SH3PXD2B: variants seen among roughly 807,000 people sequenced by gnomAD.
The protein encoded by SH3PXD2B is SH3 and PX domains 2B.
SH3PXD2B carries 37 observed loss-of-function variants against 73.1 expected under a neutral mutation model. The observed-to-expected ratio is 0.51, with a 90% CI of 0.39 to 0.67. The LOEUF is 0.67. Ranked by LOEUF, SH3PXD2B falls within the 30% of genes least tolerant of loss-of-function variation. The pLI, the probability that SH3PXD2B is intolerant of heterozygous loss-of-function variation, is 0.00. For synonymous variants in SH3PXD2B, 457 were observed against 480.5 expected, an observed-to-expected ratio of 0.95 and a Z score of 0.64; for missense variants, 1,053 against 1,197.8, an observed-to-expected ratio of 0.88 and a Z score of 1.78.
At chr5:172,365,342 A>T (rs1757489880) in intron 6 of SH3PXD2B, among the ~76,000 whole-genome samples, 1 of 152,152 alleles carries the variant, frequency 6.6e-6, no homozygotes. Context: ...AGGCTCAGAG[A>T]TGTTAAGTGA....
At chr5:172,408,786 A>C (rs1471678288) in intron 2 of SH3PXD2B, among the ~76,000 whole-genome samples, 1 of 151,796 alleles carries the variant, frequency 6.6e-6, no homozygotes, top group African/African-American at 2.4e-5. Context: ...GGCCTCTCAA[A>C]CTGCTGGGAT....
chr5:172,334,289 C>G lies in SH3PXD2B; in HGVS notation c.*4080G>C. 2 of 999,740 alleles carry G rather than the reference C, an allele frequency of 2.0e-6. No individual in the cohort carries two copies. The highest frequency in any genetic ancestry group is 2.4e-6 in the Non-Finnish European group (2 of 840,760). The allele number at this position is 999,740 out of a possible 1,614,324, so 61.9% of individuals were successfully genotyped here. On this transcript the variant is annotated 3_prime_UTR_variant, in exon 13 of 13. Transcript: ENST00000311601. The stretch of plus-strand genomic sequence containing the variant: ...GAGCAGGCAAGGACTGTGGAGCCTC[C>G]GGTTCCAGCTCTGCAGCTCTGCCTG...
intron 12 of SH3PXD2B, among the ~76,000 whole-genome samples, chr5:172,328,436 T>A (rs1344494312): frequency 1.3e-5 from 2 of 152,132 alleles, no homozygotes; most frequent in African/African-American, 4.8e-5. Flanking sequence ...TGGCCTCAAA[T>A]GATCCTCCTG....
At chr5:172,329,537 A>ATTTTT (rs1189125823), downstream of SH3PXD2B, among the ~76,000 whole-genome samples, 1 of 62,958 alleles carries the variant, frequency 1.6e-5, no homozygotes, top group Non-Finnish European at 3.6e-5. Flanking sequence ...GATCTTTGTT[A>ATTTTT]TTCTTTTTTT....
At chr5:172,384,230 G>C (rs1165745505) in intron 4 of SH3PXD2B, among the ~76,000 whole-genome samples, 1 of 152,092 alleles carries the variant, frequency 6.6e-6, no homozygotes, top group Non-Finnish European at 1.5e-5. Context: ...GCAGTACTGG[G>C]CTCTCGTGGA....
rs1391522230 is a variant in SH3PXD2B at position 172,338,811 on chromosome 5, G to A, written c.2294C>T (p.Pro765Leu). The change falls in exon 13 of 13, where the codon CCA (proline) becomes CTA (leucine). Residue 765 changes from proline to leucine, a missense_variant. By Grantham distance (98) the Pro-to-Leu change is moderately conservative (BLOSUM62 -3). This residue lies in a region of SH3PXD2B where 587 missense variants were observed against 590.7 expected (regional missense o/e 0.99). Coordinates refer to ENST00000311601, the MANE Select transcript of SH3PXD2B (RefSeq NM_001017995.3). The surrounding 1 kb of genome is among the most constrained non-coding windows in gnomAD (Gnocchi z 5.1). Reference sequence around the variant, plus strand: ...CCTGGATGACGAAGAGGTTTTCTTTGGGGGAGGTGGTCTGCGGGGTGGGAC... The same window carrying A: ...CCTGGATGACGAAGAGGTTTTCTTTAGGGGAGGTGGTCTGCGGGGTGGGAC... ...PVVPPRRPPP[P>L]KKTSSSSRPL... 1.2e-6 allele frequency: 2 copies of A among 1,614,160 alleles called. No individual in the cohort carries two copies. The highest frequency in any genetic ancestry group is 1.7e-5 in the Admixed American group (1 of 60,032).
At position 172,335,353 on chromosome 5, in the gene SH3PXD2B, T is replaced by C; in HGVS notation, c.*3016A>G. On this transcript the variant is annotated 3_prime_UTR_variant, in exon 13 of 13. Transcript: ENST00000311601. Reference sequence around the variant, plus strand: ...CACCGAAATTCAGAGGGAGGGTCACTTGATTCCCTGGAAGCCCTCCGCACA... The same window carrying C: ...CACCGAAATTCAGAGGGAGGGTCACCTGATTCCCTGGAAGCCCTCCGCACA... 2 of 1,211,266 alleles carry C rather than the reference T, an allele frequency of 1.7e-6. No individual in the cohort carries two copies. Among genetic ancestry groups the C allele is most frequent in the Non-Finnish European group, 2.1e-6 (2 of 975,598 alleles). 75.0% of individuals were successfully genotyped at this position (1,211,266 alleles called of 1,614,324 possible).
intron 1 of SH3PXD2B, among the ~76,000 whole-genome samples, chr5:172,442,920 C>T (rs1322152860): frequency 2.0e-5 from 3 of 152,132 alleles, no homozygotes; most frequent in Non-Finnish European, 4.4e-5. Context: ...CATCTGGCTC[C>T]CAAGTTCCAC....
chr5:172,444,030 C>A (rs911692719), intron 1 of SH3PXD2B, among the ~76,000 whole-genome samples: 2 of 152,182 alleles, frequency 1.3e-5, no homozygotes, highest in African/African-American at 4.8e-5. Context: ...ATTGTTTTTG[C>A]CTGTCCAAGC....
At chr5:172,379,871 C>G (rs1451372977) in intron 5 of SH3PXD2B, among the ~76,000 whole-genome samples, 1 of 152,186 alleles carries the variant, frequency 6.6e-6, no homozygotes, top group African/African-American at 2.4e-5. Context: ...ATTCCAAACT[C>G]AGGCTCTTTT....
intron 11 of SH3PXD2B, among the ~76,000 whole-genome samples, chr5:172,346,748 G>A (rs1023147805): frequency 7.2e-5 from 11 of 151,888 alleles, no homozygotes; most frequent in Non-Finnish European, 1.3e-4. Flanking sequence ...TGCATGGCAC[G>A]CAACAGGTGC....
chr5:172,347,136 A>T, intron 11 of SH3PXD2B, 147 bp downstream of exon 11: 1 of 793,724 alleles, frequency 1.3e-6, no homozygotes, highest in Non-Finnish European at 2.1e-6. Flanking sequence ...GAGTGGGACT[A>T]GCATTTCTAC....
intron 6 of SH3PXD2B, among the ~76,000 whole-genome samples, chr5:172,368,904 A>G (rs1005577268): frequency 7.1e-6 from 1 of 141,628 alleles, no homozygotes; most frequent in Non-Finnish European, 1.5e-5. Flanking sequence ...ATATATATAT[A>G]TATTTTTGAG....
chr5:172,399,714 CCT>C (rs1207128402), intron 3 of SH3PXD2B, among the ~76,000 whole-genome samples: 1 of 152,146 alleles, frequency 6.6e-6, no homozygotes, highest in Admixed American at 6.5e-5. Flanking sequence ...CAATAACATC[CCT>C]CTGTTCTTCT....
chr5:172,345,586 T>C (rs1756975892), intron 12 of SH3PXD2B, among the ~76,000 whole-genome samples: 1 of 152,170 alleles, frequency 6.6e-6, no homozygotes, highest in South Asian at 2.1e-4. Flanking sequence ...ACAGGTTTTC[T>C]TGCAAATATG....
At chr5:172,377,399 AC>A (rs1267280070) in intron 5 of SH3PXD2B, among the ~76,000 whole-genome samples, 2 of 152,092 alleles carry the variant, frequency 1.3e-5, no homozygotes, top group Admixed American at 1.3e-4. Flanking sequence ...AACAACCAGG[AC>A]CCAGCTGAGA....
chr5:172,341,810 C>G (rs1756858907), intron 12 of SH3PXD2B, among the ~76,000 whole-genome samples: 1 of 151,932 alleles, frequency 6.6e-6, no homozygotes, highest in South Asian at 2.1e-4. Context: ...GCCACCGTGC[C>G]CGGCTAATTT....
Position 172,421,596 on chromosome 5 carries a change from G to A in SH3PXD2B, c.156+820C>T, listed in dbSNP as rs1023785060. On this transcript the variant is annotated intron_variant, in intron 2 of 12. Coordinates refer to ENST00000311601, the MANE Select transcript of SH3PXD2B (RefSeq NM_001017995.3). The surrounding 1 kb of genome is among the most constrained non-coding windows in gnomAD (Gnocchi z 4.0). The stretch of plus-strand genomic sequence containing the variant: ...TAGGGGCACAGAATGGGTGGCCCTC[G>A]CTGGCCAGGGAACAAAGGCAAGGTT... 2.0e-5 allele frequency among the ~76,000 whole-genome samples: 3 copies of A among 152,130 alleles called. No individual in the cohort carries two copies. Among genetic ancestry groups the A allele is most frequent in the African/African-American group, 7.2e-5 (3 of 41,418 alleles).
In SH3PXD2B at chr5:172,353,127, C is replaced by T. The variant is rs1037158789; in HGVS notation, c.785+761G>A. Among the ~76,000 whole-genome samples the T allele has an allele frequency of 1.6e-4, 24 of 152,150 alleles. No individual in the cohort carries two copies. Among genetic ancestry groups the T allele is most frequent in the South Asian group, 6.2e-4 (3 of 4,824 alleles). On this transcript the variant is annotated intron_variant, in intron 9 of 12. Coordinates refer to ENST00000311601, the MANE Select transcript of SH3PXD2B (RefSeq NM_001017995.3). This position sits in a 1 kb window ranked among gnomAD's most constrained non-coding sequence, Gnocchi z 4.3. ...CTCAGCTCCCAGAACAGGGCTGGGC[C>T]CAACAGAGATTCTTGGTGTGCGTTT...
Sources: allele counts gnomAD v4.1 joint callset (sites outside exome capture counted in the v4.1 genomes callset), GRCh38; gene constraint gnomAD v4.1.1; regional missense constraint gnomAD v4.1.1; non-coding constraint Gnocchi (gnomAD v3.1); transcripts MANE v1.5; gene names NCBI Gene and HGNC (gene_info 2026-07-23, HGNC 2026-07-21).